The following QSER1 variants were observed in gnomAD, a reference collection of about 807,000 sequenced individuals.
QSER1 encodes the protein glutamine and serine-rich protein 1.
In QSER1, 49 loss-of-function variants were observed where a neutral mutation model predicts 158.5. That is an observed-to-expected ratio of 0.31 (90% CI 0.25 to 0.39). The LOEUF (loss-of-function observed/expected upper bound fraction) is 0.39, where lower values mean the gene tolerates loss of function less well. Among genes scored for constraint, QSER1 ranks in the 10% least tolerant of loss-of-function variants. QSER1 has a pLI of 1.00. For missense variants in QSER1, 1,754 were observed against 2,010.3 expected (o/e 0.87, Z 2.44); for synonymous variants, 650 against 715.5 (o/e 0.91, Z 1.46).
In QSER1 at chr11:32,964,701, GA is replaced by G. The variant is rs144702721; in HGVS notation, c.4970-1587del. Among the ~76,000 whole-genome samples the G allele has an allele frequency of 1.4e-3, 141 of 98,702 alleles. 5 individuals carry two copies. Among genetic ancestry groups the G allele is most frequent in the South Asian group, 3.5e-3 (10 of 2,846 alleles). The allele number at this position is 98,702 out of a possible 152,430, so 64.8% of individuals were successfully genotyped here. ...CAACATAGTGAAACCCTATCTCTAAGAAAAAAAAAAAACACCATATATATAT... is the reference window on the plus strand; with the variant it reads ...CAACATAGTGAAACCCTATCTCTAAGAAAAAAAAAAACACCATATATATAT... On this transcript the variant is annotated intron_variant, in intron 8 of 12. Coordinates refer to ENST00000650167, the MANE Select transcript of QSER1 (RefSeq NM_001076786.3).
intron 7 of QSER1, 147 bp downstream of exon 7, chr11:32,956,268 C>G: frequency 1.5e-6 from 1 of 680,646 alleles, no homozygotes. Context: ...ATAAGTGATT[C>G]TTTTGAAGGC....
At chr11:32,939,571 C>T (rs1389862200) in intron 4 of QSER1, among the ~76,000 whole-genome samples, 2 of 152,114 alleles carry the variant, frequency 1.3e-5, no homozygotes, top group Non-Finnish European at 2.9e-5. Context: ...TTAACATCCT[C>T]TGAAGAATAT....
At position 32,934,960 on chromosome 11, in the gene QSER1, G is replaced by A. The variant is rs1237105704; in HGVS notation, c.3702G>A (p.Arg1234=). 6.2e-7 allele frequency: 1 copy of A among 1,614,082 alleles called. No homozygotes were observed. ...RPAQGKRQNP[R]GTDIYLPYTP... ...CCCAAGGCAAACGCCAGAATCCAAG[G>A]GGAACAGATATTTACTTACCGTATA... The change falls in exon 4 of 13, where the codon AGG becomes AGA. Residue 1234 remains arginine (R), a synonymous_variant. Coordinates refer to ENST00000650167, the MANE Select transcript of QSER1 (RefSeq NM_001076786.3).
Position 32,931,932 on chromosome 11 carries a change from A to C in QSER1, c.674A>C (p.His225Pro). 6.2e-7 allele frequency: 1 copy of C among 1,614,188 alleles called. No homozygotes were observed. ...ACATCAAATGGAATTTTAAGTCATC[A>C]TGACCCTTTGCTACAAATCAAGACT... The part of the protein sequence containing the change: ...NTTSNGILSH[H>P]DPLLQIKTSQ... The change falls in exon 4 of 13, where the codon CAT (histidine) becomes CCT (proline). Residue 225 changes from histidine (H) to proline (P), a missense_variant. Transcript: ENST00000650167.
chr11:32,915,549 C>T (rs1320015127), intron 1 of QSER1, among the ~76,000 whole-genome samples: 1 of 152,154 alleles, frequency 6.6e-6, no homozygotes, highest in Non-Finnish European at 1.5e-5. Context: ...ATAAATGTAC[C>T]TATATTCAAA....
chr11:32,913,798 G>A (rs1049090422), intron 1 of QSER1, among the ~76,000 whole-genome samples: 1 of 152,174 alleles, frequency 6.6e-6, no homozygotes, highest in African/African-American at 2.4e-5. Flanking sequence ...TTACTGTTGA[G>A]GAAACGGAGA....
At position 32,893,778 on chromosome 11, in the gene QSER1, G is replaced by A. The variant is rs1851517590; in HGVS notation, c.209+444G>A. Among the ~76,000 whole-genome samples, 1 of 152,216 alleles carries A rather than the reference G, an allele frequency of 6.6e-6. No homozygotes were observed. The highest frequency in any genetic ancestry group is 6.5e-5 in the Admixed American group (1 of 15,288). On this transcript the variant is annotated intron_variant, in intron 1 of 12. Coordinates refer to ENST00000650167, the MANE Select transcript of QSER1 (RefSeq NM_001076786.3). The surrounding 1 kb of genome is among the most constrained non-coding windows in gnomAD (Gnocchi z 4.7). ...GGGGACTCCGGCGTGTGAGGGTTGC[G>A]GAGGCGGGAGAGGAAGAGTCGCGGA...
chr11:32,963,255 A>G (rs1033763811), intron 8 of QSER1, among the ~76,000 whole-genome samples: 1 of 151,522 alleles, frequency 6.6e-6, no homozygotes, highest in Non-Finnish European at 1.5e-5. Context: ...TCCCAGGCTC[A>G]TGTGATCCTC....
intron 1 of QSER1, among the ~76,000 whole-genome samples, chr11:32,916,848 G>A (rs1406658264): frequency 1.3e-5 from 2 of 150,956 alleles, no homozygotes; most frequent in Non-Finnish European, 2.9e-5. Context: ...GTGCAGTGGC[G>A]TGATCTCAGC....
chr11:32,915,069 A>G (rs1308903208), intron 1 of QSER1, among the ~76,000 whole-genome samples: 2 of 152,068 alleles, frequency 1.3e-5, no homozygotes, highest in South Asian at 2.1e-4. Context: ...TACAGGTGCC[A>G]CTATGCCCAG....
At chr11:32,917,278 G>A (rs1851844867) in intron 1 of QSER1, among the ~76,000 whole-genome samples, 1 of 152,120 alleles carries the variant, frequency 6.6e-6, no homozygotes, top group South Asian at 2.1e-4. Flanking sequence ...CATTTGGATT[G>A]TTTCCACCTT....
At chr11:32,897,261 G>C (rs1478207807) in intron 1 of QSER1, among the ~76,000 whole-genome samples, 1 of 152,202 alleles carries the variant, frequency 6.6e-6, no homozygotes, top group Non-Finnish European at 1.5e-5. Flanking sequence ...TACATAGCTA[G>C]TAAATAGTGG....
chr11:32,937,481 T>C (rs1416802626), intron 4 of QSER1, among the ~76,000 whole-genome samples: 2 of 151,942 alleles, frequency 1.3e-5, no homozygotes, highest in Non-Finnish European at 2.9e-5. Flanking sequence ...AGAGATGGGA[T>C]CTTGCTGTAT....
rs1428748895 is a variant in QSER1, at chr11:32,979,062, A to G, written c.*2588A>G. 7 of 152,344 alleles carry G rather than the reference A, an allele frequency of 4.6e-5. No individual in the cohort carries two copies. The South Asian group carries it at 1.2e-3, about 27-fold the overall frequency. The allele number at this position is 152,344 out of a possible 1,614,324, so 9.4% of individuals were successfully genotyped here. The stretch of plus-strand genomic sequence containing the variant: ...GAATACTGTAGGCAGTTGTAACACA[A>G]TGGTATTTGTGTATCTAGACATAGA... On this transcript the variant is annotated 3_prime_UTR_variant, in exon 13 of 13. Transcript: ENST00000650167.
chr11:32,938,295 C>T (rs1176216598), intron 4 of QSER1, among the ~76,000 whole-genome samples: 1 of 152,108 alleles, frequency 6.6e-6, no homozygotes, highest in Non-Finnish European at 1.5e-5. Flanking sequence ...TATTATACTG[C>T]AATCATCTTT....
chr11:32,949,784 G>A (rs1050364875), intron 4 of QSER1, among the ~76,000 whole-genome samples: 4 of 152,188 alleles, frequency 2.6e-5, no homozygotes, highest in Non-Finnish European at 5.9e-5. Flanking sequence ...CCTTGAGTGG[G>A]AAATGTATAA....
chr11:32,973,539 A>C lies in QSER1; in HGVS notation c.5348A>C (p.Lys1783Thr). The change falls in exon 11 of 13, where the codon AAA becomes ACA. Residue 1783 changes from lysine (K) to threonine (T), a missense_variant. Coordinates refer to ENST00000650167, the MANE Select transcript of QSER1 (RefSeq NM_001076786.3). ...KTLRTSKTTTKSAQEFAVDPE... is the reference protein window; with the variant it reads ...KTLRTSKTTTTSAQEFAVDPE... Reference sequence around the variant, plus strand: ...CTAAGGACTTCTAAAACAACCACCAAATCTGCACAAGTAAGTGTAATTGAT... The same window carrying C: ...CTAAGGACTTCTAAAACAACCACCACATCTGCACAAGTAAGTGTAATTGAT... 1.2e-6 allele frequency: 2 copies of C among 1,606,286 alleles called. No homozygotes were observed. The highest frequency in any genetic ancestry group is 1.7e-6 in the Non-Finnish European group (2 of 1,177,568).
chr11:32,932,815 G>A lies in QSER1; in HGVS notation c.1557G>A (p.Gln519=). The change falls in exon 4 of 13, where the codon CAG becomes CAA. Residue 519 remains glutamine (Q), a synonymous_variant. Coordinates refer to ENST00000650167, the MANE Select transcript of QSER1 (RefSeq NM_001076786.3). ...CTCAGACTGTAACTCCTGAAAATCAGACGCTTAATTATTCATCTAATCAGC... is the reference window on the plus strand; with the variant it reads ...CTCAGACTGTAACTCCTGAAAATCAAACGCTTAATTATTCATCTAATCAGC... ...GSSQTVTPEN[Q]TLNYSSNQQE... is the part of the protein sequence containing the mutation. 2 of 1,613,940 alleles carry A rather than the reference G, an allele frequency of 1.2e-6. No homozygotes were observed. Among genetic ancestry groups the A allele is most frequent in the Non-Finnish European group, 1.7e-6 (2 of 1,179,926 alleles).
At chr11:32,943,042 G>A (rs1342811927) in intron 4 of QSER1, among the ~76,000 whole-genome samples, 2 of 150,938 alleles carry the variant, frequency 1.3e-5, no homozygotes, top group Admixed American at 6.6e-5. Flanking sequence ...TTTGTCTGTT[G>A]TTGGTGTATA....
Sources: gnomAD v4.1 joint callset for allele counts (sites outside exome capture counted in the v4.1 genomes callset) on GRCh38, gnomAD v4.1.1 for gene constraint, Gnocchi (gnomAD v3.1) non-coding constraint, MANE v1.5 for transcripts, NCBI Gene and HGNC (gene_info 2026-07-23, HGNC 2026-07-21) for gene names.